The following POLE variants were observed in gnomAD, a reference collection of about 807,000 sequenced individuals.
The protein encoded by POLE is DNA polymerase epsilon, catalytic subunit.
In POLE, 188 loss-of-function variants were observed where a neutral mutation model predicts 279.2. The observed-to-expected ratio is 0.67, with a 90% CI of 0.60 to 0.76. POLE has a LOEUF of 0.76. Ranked by LOEUF, POLE falls within the 30% of genes least tolerant of loss-of-function variation. The pLI is 0.00. For missense variants in POLE, 2,703 were observed against 3,016.7 expected (o/e 0.90, Z 2.44); for synonymous variants, 1,214 against 1,172.5 (o/e 1.04, Z -0.72).
intron 19 of POLE, 32 bp from the exon 20 acceptor site, chr12:132,667,680 G>T (rs766765195): frequency 4.3e-6 from 7 of 1,611,806 alleles, no homozygotes; most frequent in Non-Finnish European, 5.9e-6. Context: ...AGAGCAGGTG[G>T]GTGAGATCTC....
rs371098994 is a variant in POLE at position 132,642,167 on chromosome 12, G to C, written c.5173+10C>G. ...CAGGTCTCATGGGCCTCGTCCTCCC[G>C]CCCACTTACCTGTGGAGTAACAGCC... On this transcript the variant is annotated intron_variant, in intron 38 of 48. Coordinates refer to ENST00000320574, the MANE Select transcript of POLE (RefSeq NM_006231.4). 6.5e-6 allele frequency: 10 copies of C among 1,531,998 alleles called. No homozygotes were observed. In the African/African-American group the frequency reaches 1.4e-4, roughly 21 times the overall value. 94.9% of individuals were successfully genotyped at this position (1,531,998 alleles called of 1,614,324 possible). A position where few individuals can be genotyped will look rare whatever the true frequency, so the allele number is the denominator to read the frequency against.
At chr12:132,631,032 C>T (rs1237552206) in intron 45 of POLE, among the ~76,000 whole-genome samples, 1 of 152,208 alleles carries the variant, frequency 6.6e-6, no homozygotes, top group African/African-American at 2.4e-5. Flanking sequence ...TGTTATTAAT[C>T]ACCCCAAAGT....
rs1345197647 is a variant in POLE, at chr12:132,639,416, ACT to A, written c.5379-120_5379-119del. ...CTACACGGCTGGGTCCAAATCCGTCACTGTCGCCTCCCCTTCTCACTGTCCCC... is the reference window on the plus strand; with the variant it reads ...CTACACGGCTGGGTCCAAATCCGTCAGTCGCCTCCCCTTCTCACTGTCCCC... On this transcript the variant is annotated intron_variant, in intron 39 of 48. Transcript: ENST00000320574. This position sits in a 1 kb window ranked among gnomAD's most constrained non-coding sequence, Gnocchi z 4.7. 28 of 868,884 alleles carry A rather than the reference ACT, an allele frequency of 3.2e-5. No homozygotes were observed. The highest frequency in any genetic ancestry group is 4.5e-5 in the Non-Finnish European group (25 of 560,626). The allele number at this position is 868,884 out of a possible 1,614,324, so 53.8% of individuals were successfully genotyped here.
chr12:132,670,930 A>G (rs2135985798), intron 16 of POLE, among the ~76,000 whole-genome samples: 1 of 152,286 alleles, frequency 6.6e-6, no homozygotes, highest in South Asian at 2.1e-4. Context: ...GAGTGTACAC[A>G]TATTCTTGTT....
In POLE at chr12:132,634,006, G is replaced by A. The variant is rs553047656; in HGVS notation, c.6004+180C>T. ...GTCACCCCTCTCCGGGCCCTCCAGT[G>A]GAACATGCCTGGAGCCTGGAGAGGA... On this transcript the variant is annotated intron_variant, in intron 43 of 48. Coordinates refer to ENST00000320574, the MANE Select transcript of POLE (RefSeq NM_006231.4). The surrounding 1 kb of genome is among the most constrained non-coding windows in gnomAD (Gnocchi z 4.0). 6.8e-6 allele frequency: 4 copies of A among 589,202 alleles called. No homozygotes were observed. The East Asian group carries it at 8.6e-5, about 13-fold the overall frequency. The allele number at this position is 589,202 out of a possible 1,614,324, so 36.5% of individuals were successfully genotyped here. A position where few individuals can be genotyped will look rare whatever the true frequency, so the allele number is the denominator to read the frequency against.
At chr12:132,643,370 A>T (rs1357441903) in intron 34 of POLE, 37 bp downstream of exon 34, 1 of 1,614,194 alleles carries the variant, frequency 6.2e-7, no homozygotes, top group Admixed American at 1.7e-5. Context: ...GATGTGTGGG[A>T]GGCAGGCACA....
intron 29 of POLE, among the ~76,000 whole-genome samples, chr12:132,655,613 T>A (rs1427129786): frequency 6.6e-6 from 1 of 152,216 alleles, no homozygotes; most frequent in African/African-American, 2.4e-5. Flanking sequence ...ATTCTTCTTA[T>A]AATTAGGTAA....
chr12:132,673,187 T>G lies in POLE; in HGVS notation c.1450A>C (p.Ile484Leu), dbSNP rs1027889796. 6.2e-7 allele frequency: 1 copy of G among 1,611,270 alleles called. No homozygotes were observed. Among genetic ancestry groups the G allele is most frequent in the African/African-American group, 1.3e-5 (1 of 74,848 alleles). Residue 484 changes from isoleucine (I) to leucine (L), a missense_variant, in exon 14 of 49, where the codon ATT becomes CTT. Physicochemically the swap from Ile to Leu is conservative, Grantham distance 5 (BLOSUM62 2). Coordinates refer to ENST00000320574, the MANE Select transcript of POLE (RefSeq NM_006231.4). ...VHPFIFALCT[I>L]IPMEPDEVLR... ...ACCTCGTCGGGCTCCATGGGAATAA[T>G]GGTGCACAGAGCAAAGATGAATGGG...
At chr12:132,638,587 A>G (rs1443630819) in intron 40 of POLE, 1 of 169,024 alleles carries the variant, frequency 5.9e-6, no homozygotes, top group Non-Finnish European at 1.3e-5. Flanking sequence ...CCAGGGAAGA[A>G]GTGTCCACAA....
In POLE at chr12:132,642,666, T is replaced by C. The variant is rs776538943; in HGVS notation, c.4792A>G (p.Ser1598Gly). 3.1e-6 allele frequency: 5 copies of C among 1,613,282 alleles called. No homozygotes were observed. Among genetic ancestry groups the C allele is most frequent in the Admixed American group, 3.3e-5 (2 of 60,014 alleles). ...AATTCCTCCAAGACAGGAATTTCAC[T>C]GGCCAGCCTCTTCAGCTCCCAGCTG... ...QSSWELKRLA[S>G]EIPVLEEFPL... The change falls in exon 37 of 49, where the codon AGT becomes GGT. Residue 1598 changes from serine to glycine, a missense_variant. Ser to Gly is a moderately conservative substitution (Grantham distance 56, BLOSUM62 0). Transcript: ENST00000320574.
intron 20 of POLE, among the ~76,000 whole-genome samples, chr12:132,666,742 G>A (rs1395316066): frequency 6.6e-6 from 1 of 152,234 alleles, no homozygotes; most frequent in African/African-American, 2.4e-5. Context: ...CTGTTTGATG[G>A]AGATAAGAGT....
rs149893630 is a variant in POLE at position 132,641,678 on chromosome 12, C to G, written c.5347G>C (p.Asp1783His). The change falls in exon 39 of 49, where the codon GAT becomes CAT. Residue 1783 changes from aspartate to histidine, a missense_variant. Asp to His is a moderately conservative substitution (Grantham distance 81). Coordinates refer to ENST00000320574, the MANE Select transcript of POLE (RefSeq NM_006231.4). ...GTGTTAGAGCACAGGGCTGTCTCAT[C>G]GTAGCTGGCCGGGGCACTGGCAGCC... ...GQAASAPASY[D>H]ETALCSNTFR... The G allele has an allele frequency of 8.1e-6, 13 of 1,614,048 alleles. No homozygotes were observed. In the East Asian group the frequency reaches 2.9e-4, roughly 36 times the overall value.
At chr12:132,638,332 GAT>G in intron 40 of POLE, 193 bp from the exon 41 acceptor site, 2 of 407,762 alleles carry the variant, frequency 4.9e-6, no homozygotes, top group East Asian at 7.6e-5. Context: ...AAAGGCAAAA[GAT>G]AACCAAAAAC....
At position 132,675,932 on chromosome 12, in the gene POLE, C is replaced by A; in HGVS notation, c.1021-112G>T. ...GCCTCATGTTGGCCCTTATTCCTGC[C>A]CCGCCCCTCCGCCCGTCTCTGGCAG... On this transcript the variant is annotated intron_variant, in intron 10 of 48. Coordinates refer to ENST00000320574, the MANE Select transcript of POLE (RefSeq NM_006231.4). The surrounding 1 kb of genome is among the most constrained non-coding windows in gnomAD (Gnocchi z 4.3). The A allele has an allele frequency of 1.0e-6, 1 of 984,086 alleles. No individual in the cohort carries two copies. 61.0% of individuals were successfully genotyped at this position (984,086 alleles called of 1,614,324 possible).
chr12:132,686,862 G>A (rs564320197), intron 1 of POLE, among the ~76,000 whole-genome samples: 96 of 150,114 alleles, frequency 6.4e-4, no homozygotes, highest in African/African-American at 2.2e-3. Context: ...CAGGGTCCCC[G>A]GCCCCGCCCC....
In POLE at chr12:132,679,575, C is replaced by T. The variant is rs2043123983; in HGVS notation, c.500G>A (p.Arg167Lys). ...FHTVEDLVKV[R>K]KEISPAVKKN... Reference sequence around the variant, plus strand: ...CTTCACGGCAGGGGAGATCTCCTTCCTCACTTTGACAAGATCCTCCACAGT... The same window carrying T: ...CTTCACGGCAGGGGAGATCTCCTTCTTCACTTTGACAAGATCCTCCACAGT... The change falls in exon 6 of 49, where the codon AGG becomes AAG. Residue 167 changes from arginine (R) to lysine (K), a missense_variant. Physicochemically the swap from Arg to Lys is conservative, Grantham distance 26. This residue lies in a region of POLE where 1,011 missense variants were observed against 1,111.7 expected (regional missense o/e 0.91). Coordinates refer to ENST00000320574, the MANE Select transcript of POLE (RefSeq NM_006231.4). 1 of 1,613,988 alleles carries T rather than the reference C, an allele frequency of 6.2e-7. No individual in the cohort carries two copies. Among genetic ancestry groups the T allele is most frequent in the Admixed American group, 1.7e-5 (1 of 60,008 alleles).
rs2042821831 is a variant in POLE at position 132,667,463 on chromosome 12, C to A, written c.2319+40G>T. The A allele has an allele frequency of 1.9e-6, 3 of 1,604,130 alleles. No homozygotes were observed. In the Middle Eastern group the frequency reaches 5.1e-4, roughly 273 times the overall value. On this transcript the variant is annotated intron_variant, in intron 20 of 48. Coordinates refer to ENST00000320574, the MANE Select transcript of POLE (RefSeq NM_006231.4). ...CCACTTCATGAGCCGACTGAAACTG[C>A]CCTCACAGAGGCCAAAGCTTGCAGC...
At chr12:132,656,364 T>C (rs1461027368) in intron 29 of POLE, among the ~76,000 whole-genome samples, 4 of 151,616 alleles carry the variant, frequency 2.6e-5, no homozygotes, top group East Asian at 1.9e-4. Context: ...AGAACCTTTT[T>C]CTTTTTTTTT....
At chr12:132,658,353 T>G (rs5744880) in intron 26 of POLE, 1 of 205,732 alleles carries the variant, frequency 4.9e-6, no homozygotes, top group Admixed American at 5.5e-5. Context: ...GGCATAACCA[T>G]GTGCATGCAC....
Sources: gnomAD v4.1 joint callset for allele counts (sites outside exome capture counted in the v4.1 genomes callset) on GRCh38, gnomAD v4.1.1 for gene constraint, gnomAD v4.1.1 regional missense constraint, Gnocchi (gnomAD v3.1) non-coding constraint, MANE v1.5 for transcripts, NCBI Gene and HGNC (gene_info 2026-07-23, HGNC 2026-07-21) for gene names.